PEX26: variants seen among roughly 807,000 people sequenced by gnomAD.
The protein encoded by PEX26 is peroxisomal biogenesis factor 26, also known as peroxisome assembly protein 26.
Under a neutral mutation model 31.4 loss-of-function variants are expected in PEX26, and 18 were observed. The observed-to-expected ratio is 0.57, with a 90% CI of 0.40 to 0.85. The LOEUF is 0.85. Ranked by LOEUF, PEX26 falls within the 40% of genes least tolerant of loss-of-function variation. PEX26 has a pLI of 0.00. For synonymous variants in PEX26, 176 were observed against 166.9 expected, an observed-to-expected ratio of 1.05 and a Z score of -0.42; for missense variants, 377 against 383.9, an observed-to-expected ratio of 0.98 and a Z score of 0.15.
rs1927370998 is a variant in PEX26 at position 18,098,779 on chromosome 22, A to AC, written c.*10704_*10705insC. The stretch of plus-strand genomic sequence containing the variant: ...GTGCGTGTGTAGACATATATATATA[A>AC]TATATATACACATATGCAATGGAGT... On this transcript the variant is annotated 3_prime_UTR_variant, in exon 5 of 5. Coordinates refer to ENST00000399744, the MANE Select transcript of PEX26 (RefSeq NM_001127649.3). 1 of 98,906 alleles carries AC rather than the reference A, an allele frequency of 1.0e-5. No individual in the cohort carries two copies. Among genetic ancestry groups the AC allele is most frequent in the Non-Finnish European group, 2.3e-5 (1 of 43,302 alleles). The allele number at this position is 98,906 out of a possible 1,614,324, so 6.1% of individuals were successfully genotyped here.
rs1927273451 is a variant in PEX26, at chr22:18,095,801, T to A, written c.*7726T>A. 1 of 149,440 alleles carries A rather than the reference T, an allele frequency of 6.7e-6. No individual in the cohort carries two copies. Among genetic ancestry groups the A allele is most frequent in the Non-Finnish European group, 1.5e-5 (1 of 67,660 alleles). The allele number at this position is 149,440 out of a possible 1,614,324, so 9.3% of individuals were successfully genotyped here. Reference sequence around the variant, plus strand: ...ATGGGATTGTGGTTAAGAGTGTGGGTCCCAGACCCATAATGCCCAAGTTTG... The same window carrying A: ...ATGGGATTGTGGTTAAGAGTGTGGGACCCAGACCCATAATGCCCAAGTTTG... On this transcript the variant is annotated 3_prime_UTR_variant, in exon 5 of 5. Transcript: ENST00000399744.
Position 18,078,199 on chromosome 22 carries a change from C to T in PEX26, c.-178C>T, listed in dbSNP as rs1261496698. On this transcript the variant is annotated 5_prime_UTR_variant, in exon 1 of 5. Transcript: ENST00000399744. ...TTCCCCAGCCTCCAGGCGAGCCCAG[C>T]TTTTGCCTCAGATAGGCCCCTTCCT... is the stretch of plus-strand genomic sequence containing the variant. 1 of 703,888 alleles carries T rather than the reference C, an allele frequency of 1.4e-6. No individual in the cohort carries two copies. The highest frequency in any genetic ancestry group is 1.7e-5 in the African/African-American group (1 of 57,374). The allele number at this position is 703,888 out of a possible 1,614,324, so 43.6% of individuals were successfully genotyped here. A position where few individuals can be genotyped will look rare whatever the true frequency, so the allele number is the denominator to read the frequency against.
rs1395664407 is a variant in PEX26, at chr22:18,092,064, TC to T, written c.*3990del. 6.6e-6 allele frequency: 1 copy of T among 152,270 alleles called. No homozygotes were observed. Among genetic ancestry groups the T allele is most frequent in the African/African-American group, 2.4e-5 (1 of 41,432 alleles). 9.4% of individuals were successfully genotyped at this position (152,270 alleles called of 1,614,324 possible). On this transcript the variant is annotated 3_prime_UTR_variant, in exon 5 of 5. Coordinates refer to ENST00000399744, the MANE Select transcript of PEX26 (RefSeq NM_001127649.3). ...GCGAGTAGGGCACCTCCCTGTGCCG[TC>T]GTCTGCTTTCCTTCCTCCCTCCCAG...
In PEX26 at chr22:18,080,024, C is replaced by A. The variant is rs747496302; in HGVS notation, c.371+10C>A. 1 of 1,613,908 alleles carries A rather than the reference C, an allele frequency of 6.2e-7. No homozygotes were observed. The highest frequency in any genetic ancestry group is 1.3e-5 in the African/African-American group (1 of 74,906). Reference sequence around the variant, plus strand: ...AAGTCCTGGAGCTGTGGTAAGTCTTCTTTGCTGACTCATCAGATCGGTTCA... The same window carrying A: ...AAGTCCTGGAGCTGTGGTAAGTCTTATTTGCTGACTCATCAGATCGGTTCA... On this transcript the variant is annotated intron_variant, in intron 2 of 4. Transcript: ENST00000399744.
Position 18,094,302 on chromosome 22 carries a change from C to T in PEX26, c.*6227C>T, listed in dbSNP as rs1380935393. 2.0e-5 allele frequency: 3 copies of T among 152,032 alleles called. No homozygotes were observed. Among genetic ancestry groups the T allele is most frequent in the Non-Finnish European group, 2.9e-5 (2 of 68,082 alleles). 9.4% of individuals were successfully genotyped at this position (152,032 alleles called of 1,614,324 possible). A position where few individuals can be genotyped will look rare whatever the true frequency, so the allele number is the denominator to read the frequency against. Reference sequence around the variant, plus strand: ...TCTCAGCTCACTGCAAGCTCCGCCTCCTGGGTTCACACCATTCTCCTGCCT... The same window carrying T: ...TCTCAGCTCACTGCAAGCTCCGCCTTCTGGGTTCACACCATTCTCCTGCCT... On this transcript the variant is annotated 3_prime_UTR_variant, in exon 5 of 5. Coordinates refer to ENST00000399744, the MANE Select transcript of PEX26 (RefSeq NM_001127649.3).
rs757170237 is a variant in PEX26, at chr22:18,088,198, CTG to C, written c.*127_*128del. The C allele has an allele frequency of 1.8e-5, 14 of 772,438 alleles. No individual in the cohort carries two copies. Among genetic ancestry groups the C allele is most frequent in the South Asian group, 1.4e-4 (10 of 73,344 alleles). 47.8% of individuals were successfully genotyped at this position (772,438 alleles called of 1,614,324 possible). On this transcript the variant is annotated 3_prime_UTR_variant, in exon 5 of 5. Coordinates refer to ENST00000399744, the MANE Select transcript of PEX26 (RefSeq NM_001127649.3). The surrounding 1 kb of genome is among the most constrained non-coding windows in gnomAD (Gnocchi z 4.1). ...GACCAGCCTAATCTCGCGGAGTGCA[CTG>C]TGTCTTGCTGCCTGGGTGCCCTCTC...
At position 18,097,646 on chromosome 22, in the gene PEX26, CT is replaced by C. The variant is rs1231921983; in HGVS notation, c.*9573del. 6.6e-6 allele frequency: 1 copy of C among 152,006 alleles called. No homozygotes were observed. The highest frequency in any genetic ancestry group is 1.9e-4 in the East Asian group (1 of 5,188). 9.4% of individuals were successfully genotyped at this position (152,006 alleles called of 1,614,324 possible). The stretch of plus-strand genomic sequence containing the variant: ...CCAGTATGGATATAGATCCTAGTTT[CT>C]TCTCCTTTTTATAAAAAAAACCTGT... On this transcript the variant is annotated 3_prime_UTR_variant, in exon 5 of 5. Transcript: ENST00000399744.
rs965798606 is a variant in PEX26 at position 18,097,932 on chromosome 22, G to A, written c.*9857G>A. The stretch of plus-strand genomic sequence containing the variant: ...GTAATTATAATACAGCCTTCTAGAG[G>A]CCAGGTGCAGTGGCCCATGCCCGTA... On this transcript the variant is annotated 3_prime_UTR_variant, in exon 5 of 5. Coordinates refer to ENST00000399744, the MANE Select transcript of PEX26 (RefSeq NM_001127649.3). 2.6e-5 allele frequency: 4 copies of A among 152,242 alleles called. No homozygotes were observed. Among genetic ancestry groups the A allele is most frequent in the Admixed American group, 1.3e-4 (2 of 15,290 alleles). 9.4% of individuals were successfully genotyped at this position (152,242 alleles called of 1,614,324 possible).
Position 18,078,567 on chromosome 22 carries a change from G to T in PEX26, c.191G>T (p.Ser64Ile). ...ALETCERAWQ[S>I]LANHAVAEEP... ...GAGACCTGCGAGCGGGCCTGGCAGA[G>T]TCTGGCCAACCACGCCGTGGCAGAG... Residue 64 changes from serine (S) to isoleucine (I), a missense_variant, in exon 1 of 5, where the codon AGT (serine) becomes ATT (isoleucine). Coordinates refer to ENST00000399744, the MANE Select transcript of PEX26 (RefSeq NM_001127649.3). The T allele has an allele frequency of 6.3e-7, 1 of 1,597,974 alleles. No homozygotes were observed.
At position 18,078,343 on chromosome 22, in the gene PEX26, G is replaced by T; in HGVS notation, c.-34G>T. 1 of 1,506,136 alleles carries T rather than the reference G, an allele frequency of 6.6e-7. No individual in the cohort carries two copies. Among genetic ancestry groups the T allele is most frequent in the Non-Finnish European group, 9.1e-7 (1 of 1,093,492 alleles). The allele number at this position is 1,506,136 out of a possible 1,614,324, so 93.3% of individuals were successfully genotyped here. ...CCTCTGGGGAGGCGGTCACTCCGAC[G>T]TCTGAGGACCTGGGCCTTGGACCCG... is the stretch of plus-strand genomic sequence containing the variant. On this transcript the variant is annotated 5_prime_UTR_variant, in exon 1 of 5. Transcript: ENST00000399744.
chr22:18,078,685 C>T, intron 1 of PEX26, 79 bp downstream of exon 1: 1 of 1,273,220 alleles, frequency 7.9e-7, no homozygotes, highest in Non-Finnish European at 1.1e-6. Context: ...TTCTGTCCTT[C>T]CCAGATTGCC....
At position 18,090,895 on chromosome 22, in the gene PEX26, AG is replaced by A. The variant is rs1403844028; in HGVS notation, c.*2824del. 1.3e-5 allele frequency: 2 copies of A among 152,070 alleles called. No individual in the cohort carries two copies. The highest frequency in any genetic ancestry group is 2.4e-5 in the African/African-American group (1 of 41,356). The allele number at this position is 152,070 out of a possible 1,614,324, so 9.4% of individuals were successfully genotyped here. ...GGGGGCGGAGGGTTCGCCTCTAGGA[AG>A]GGGCTAGAAGGGATGAGGAAATAGT... On this transcript the variant is annotated 3_prime_UTR_variant, in exon 5 of 5. Coordinates refer to ENST00000399744, the MANE Select transcript of PEX26 (RefSeq NM_001127649.3).
rs768272302 is a variant in PEX26, at chr22:18,079,971, TAC to T, written c.329_330del (p.Tyr110SerfsTer4). 3 of 1,614,100 alleles carry T rather than the reference TAC, an allele frequency of 1.9e-6. No homozygotes were observed. On this transcript the variant is annotated frameshift_variant, in exon 2 of 5. Transcript: ENST00000399744. LOFTEE classifies it high-confidence loss of function. ...AGTCCTCTCCTGGGTCCTTCAGTAT[TAC>T]CAGGTCCCTGAAAAGCTACCCCCCA... The part of the protein sequence containing the change: ...QEVLSWVLQY[Y>X]QVPEKLPPKV...
intron 1 of PEX26, chr22:18,078,808 G>C: frequency 1.4e-6 from 1 of 704,350 alleles, no homozygotes. Flanking sequence ...ACTTAGTGGG[G>C]ATCCCACAGC....
intron 3 of PEX26, 26 bp downstream of exon 3, chr22:18,083,758 CTGTA>C: frequency 6.2e-7 from 1 of 1,611,048 alleles, no homozygotes; most frequent in African/African-American, 1.3e-5. Context: ...TCTGCGACCT[CTGTA>C]AAGTGGACTT....
intron 3 of PEX26, among the ~76,000 whole-genome samples, chr22:18,084,410 A>G (rs1926752863): frequency 6.6e-6 from 1 of 151,926 alleles, no homozygotes; most frequent in Non-Finnish European, 1.5e-5. Context: ...ACACCTGGCT[A>G]ATTTTTGTAT....
In PEX26 at chr22:18,097,629, G is replaced by A. The variant is rs1602477430; in HGVS notation, c.*9554G>A. On this transcript the variant is annotated 3_prime_UTR_variant, in exon 5 of 5. Transcript: ENST00000399744. The stretch of plus-strand genomic sequence containing the variant: ...AATACACCAATACAAAACCAGTATG[G>A]ATATAGATCCTAGTTTCTTCTCCTT... The A allele has an allele frequency of 6.6e-6, 1 of 151,964 alleles. No homozygotes were observed. Among genetic ancestry groups the A allele is most frequent in the East Asian group, 1.9e-4 (1 of 5,202 alleles). 9.4% of individuals were successfully genotyped at this position (151,964 alleles called of 1,614,324 possible).
rs1927234791 is a variant in PEX26 at position 18,094,629 on chromosome 22, A to ATTT, written c.*6554_*6555insTTT. The ATTT allele has an allele frequency of 6.6e-6, 1 of 152,214 alleles. No homozygotes were observed. Among genetic ancestry groups the ATTT allele is most frequent in the African/African-American group, 2.4e-5 (1 of 41,450 alleles). 9.4% of individuals were successfully genotyped at this position (152,214 alleles called of 1,614,324 possible). On this transcript the variant is annotated 3_prime_UTR_variant, in exon 5 of 5. Coordinates refer to ENST00000399744, the MANE Select transcript of PEX26 (RefSeq NM_001127649.3). The stretch of plus-strand genomic sequence containing the variant: ...CTTGCCCTCAGAAAAATGCATGCAT[A>ATTT]CTTTTATGTTACAGGCTTATTTTCC...
In PEX26 at chr22:18,083,427, G is replaced by C; in HGVS notation, c.372-10G>C. On this transcript the variant is annotated splice_polypyrimidine_tract_variant and intron_variant, in intron 2 of 4. Coordinates refer to ENST00000399744, the MANE Select transcript of PEX26 (RefSeq NM_001127649.3). ...TCTTTTGTTGGGATTGGGTTTTTTG[G>C]GGACTGCAGCATTCTTTTATACAGC... The C allele has an allele frequency of 3.1e-6, 5 of 1,613,302 alleles. No homozygotes were observed. Among genetic ancestry groups the C allele is most frequent in the Non-Finnish European group, 4.2e-6 (5 of 1,179,912 alleles).
Sources: gnomAD v4.1 joint callset for allele counts (sites outside exome capture counted in the v4.1 genomes callset) on GRCh38, gnomAD v4.1.1 for gene constraint, Gnocchi (gnomAD v3.1) non-coding constraint, MANE v1.5 for transcripts, NCBI Gene and HGNC (gene_info 2026-07-23, HGNC 2026-07-21) for gene names.